PGAP6: variants seen among roughly 807,000 people sequenced by gnomAD.
PGAP6 encodes the protein post-GPI attachment to proteins 6.
In PGAP6, 62 loss-of-function variants were observed where a neutral mutation model predicts 68.4. The observed-to-expected ratio is 0.91, with a 90% CI of 0.74 to 1.12. The LOEUF (loss-of-function observed/expected upper bound fraction) is 1.12. Ranked by LOEUF, PGAP6 falls within the 50% of genes most tolerant of loss-of-function variation. The pLI is 0.00. For synonymous variants in PGAP6, 575 were observed against 474.0 expected (o/e 1.21, Z -2.77); for missense variants, 1,188 against 1,068.5 (o/e 1.11, Z -1.56).
At position 377,791 on chromosome 16, in the gene PGAP6, C is replaced by A. The variant is rs759158638; in HGVS notation, c.179G>T (p.Ser60Ile). The change falls in exon 2 of 13, where the codon AGC becomes ATC. Residue 60 changes from serine to isoleucine, a missense_variant. Ser to Ile is a moderately radical substitution (Grantham distance 142). Transcript: ENST00000431232. ...GAAGAGCCTGGCACTGCCGTACCAGCTGTAGAAGGACAGCCTCTGCGGGGC... is the reference window on the plus strand; with the variant it reads ...GAAGAGCCTGGCACTGCCGTACCAGATGTAGAAGGACAGCCTCTGCGGGGC... ...SQAPQRLSFY[S>I]WYGSARLFRF... is the part of the protein sequence containing the mutation. 25 of 1,578,740 alleles carry A rather than the reference C, an allele frequency of 1.6e-5. No homozygotes were observed. The highest frequency in any genetic ancestry group is 2.1e-5 in the Non-Finnish European group (24 of 1,162,930).
chr16:377,248 C>T, intron 3 of PGAP6, 84 bp from the exon 4 acceptor site: 1 of 1,600,216 alleles, frequency 6.2e-7, no homozygotes, highest in Non-Finnish European at 8.5e-7. Context: ...CCCCGGCATG[C>T]AGGGAGCAGG....
chr16:376,792 G>C lies in PGAP6; in HGVS notation c.656C>G (p.Thr219Arg). ...SYLKVFVPDY[T>R]RELLLELRDC... ...CCGCAGCTCCAGCAGAAGCTCCCGC[G>C]TGTAATCGGGGACAAAGACCCTGCA... Residue 219 changes from threonine (T) to arginine (R), a missense_variant, in exon 5 of 13, where the codon ACG becomes AGG. Physicochemically the swap from Thr to Arg is moderately conservative, Grantham distance 71 (BLOSUM62 -1). Coordinates refer to ENST00000431232, the MANE Select transcript of PGAP6 (RefSeq NM_021259.3). 2 of 1,608,058 alleles carry C rather than the reference G, an allele frequency of 1.2e-6. No individual in the cohort carries two copies. Among genetic ancestry groups the C allele is most frequent in the Non-Finnish European group, 1.7e-6 (2 of 1,179,900 alleles).
chr16:371,915 C>A lies in PGAP6; in HGVS notation c.*72G>T. On this transcript the variant is annotated 3_prime_UTR_variant, in exon 13 of 13. Transcript: ENST00000431232. ...GGAAATCAATCTGTCCAGGGCTGGA[C>A]CAGGCGCCTCCCCCTCGATACAGCT... is the stretch of plus-strand genomic sequence containing the variant. 1 of 1,523,726 alleles carries A rather than the reference C, an allele frequency of 6.6e-7. No individual in the cohort carries two copies. Among genetic ancestry groups the A allele is most frequent in the Non-Finnish European group, 8.9e-7 (1 of 1,119,970 alleles). 94.4% of individuals were successfully genotyped at this position (1,523,726 alleles called of 1,614,324 possible).
upstream of PGAP6, among the ~76,000 whole-genome samples, chr16:385,497 G>C: frequency 6.7e-6 from 1 of 149,682 alleles, no homozygotes; most frequent in Non-Finnish European, 1.5e-5. Context: ...GTTTTTAGTA[G>C]AGATGGGATT....
In PGAP6 at chr16:378,325, G is replaced by C. The variant is rs1426813624; in HGVS notation, c.122-477C>G. On this transcript the variant is annotated intron_variant, in intron 1 of 12. Transcript: ENST00000431232. The stretch of plus-strand genomic sequence containing the variant: ...TGCCATCGCCACCCGCACTGCCATC[G>C]CCACCCGCACTGCCATCGCCACTCT... Among the ~76,000 whole-genome samples the C allele has an allele frequency of 1.5e-3, 168 of 109,152 alleles. 4 individuals are homozygous for C. Among genetic ancestry groups the C allele is most frequent in the African/African-American group, 4.4e-3 (96 of 21,730 alleles). 71.6% of individuals were successfully genotyped at this position (109,152 alleles called of 152,430 possible). A position where few individuals can be genotyped will look rare whatever the true frequency, so the allele number is the denominator to read the frequency against.
chr16:375,115 T>C lies in PGAP6; in HGVS notation c.1439+18A>G. The C allele has an allele frequency of 6.2e-7, 1 of 1,612,050 alleles. No individual in the cohort carries two copies. Among genetic ancestry groups the C allele is most frequent in the Admixed American group, 1.7e-5 (1 of 59,846 alleles). ...TGACAGGGTGCCTGGCCCCCGTCTC[T>C]GCCCTAGGTTTACTTACTCAGCATT... On this transcript the variant is annotated intron_variant, in intron 8 of 12. Coordinates refer to ENST00000431232, the MANE Select transcript of PGAP6 (RefSeq NM_021259.3).
chr16:372,012 C>G lies in PGAP6; in HGVS notation c.2291G>C (p.Arg764Pro), dbSNP rs750500500. 3.7e-6 allele frequency: 6 copies of G among 1,612,568 alleles called. No homozygotes were observed. The highest frequency in any genetic ancestry group is 1.3e-5 in the African/African-American group (1 of 75,034). Residue 764 changes from arginine (R) to proline (P), a missense_variant, in exon 13 of 13, where the codon CGG (arginine) becomes CCG (proline). Physicochemically the swap from Arg to Pro is moderately radical, Grantham distance 103. Coordinates refer to ENST00000431232, the MANE Select transcript of PGAP6 (RefSeq NM_021259.3). ...TCACGTCACTGCGTACAGTTCCTCC[C>G]GATCGTTCTTGCAGATCTGATAGTG... ...PCHYQICKND[R>P]EELYAVT
chr16:386,933 G>T (rs926903433), upstream of PGAP6: 4 of 588,028 alleles, frequency 6.8e-6, no homozygotes, highest in Non-Finnish European at 1.3e-5. Context: ...GCCGGAGGCG[G>T]CCTGAATATC....
chr16:381,169 G>A (rs1436451338), intron 1 of PGAP6, among the ~76,000 whole-genome samples: 5 of 152,178 alleles, frequency 3.3e-5, no homozygotes, highest in Non-Finnish European at 5.9e-5. Flanking sequence ...CCGCCAGCTG[G>A]GAGTCCCTCC....
Position 376,632 on chromosome 16 carries a change from C to A in PGAP6, c.816G>T (p.Pro272=). Residue 272 remains proline (P), a synonymous_variant, in exon 5 of 13, where the codon CCG becomes CCT. Transcript: ENST00000431232. ...TCACTTGCAGCCACCGGTCCCAGGGCGGTGAGGGCAGCAGCAGGCGGCAGG... is the reference window on the plus strand; with the variant it reads ...TCACTTGCAGCCACCGGTCCCAGGGAGGTGAGGGCAGCAGCAGGCGGCAGG... The part of the protein sequence containing the change: ...PWPCRLLLPS[P]PWDRWLQVTA... 1.2e-6 allele frequency: 2 copies of A among 1,603,000 alleles called. No homozygotes were observed. The highest frequency in any genetic ancestry group is 1.7e-6 in the Non-Finnish European group (2 of 1,174,538).
At chr16:380,571 T>G (rs2054428355) in intron 1 of PGAP6, among the ~76,000 whole-genome samples, 1 of 152,130 alleles carries the variant, frequency 6.6e-6, no homozygotes, top group Non-Finnish European at 1.5e-5. Context: ...TTCTCCATGT[T>G]GGTCAGGCTG....
Position 375,193 on chromosome 16 carries a change from G to C in PGAP6, c.1379C>G (p.Pro460Arg). The change falls in exon 8 of 13, where the codon CCC becomes CGC. Residue 460 changes from proline to arginine, a missense_variant. Physicochemically the swap from Pro to Arg is moderately radical, Grantham distance 103. Transcript: ENST00000431232. ...AWSRRANLII[P>R]YPETDNWYLS... Reference sequence around the variant, plus strand: ...GTACCAGTTGTCTGTCTCTGGGTAGGGGATGATGAGGTTGGCCCTGCGAGA... The same window carrying C: ...GTACCAGTTGTCTGTCTCTGGGTAGCGGATGATGAGGTTGGCCCTGCGAGA... 3.1e-6 allele frequency: 5 copies of C among 1,613,480 alleles called. No homozygotes were observed. The highest frequency in any genetic ancestry group is 2.2e-5 in the South Asian group (2 of 91,082).
At chr16:385,361 G>A (rs1271872726), upstream of PGAP6, among the ~76,000 whole-genome samples, 1 of 134,788 alleles carries the variant, frequency 7.4e-6, no homozygotes, top group African/African-American at 3.0e-5. Flanking sequence ...CGCCCAGGCT[G>A]GAGTGCAGTG....
rs7184133 is a variant in PGAP6, at chr16:372,412, G to C, written c.2020-129C>G. ...CAGAACGACAAGGGTGGGCTGCTTC[G>C]AGGGGGCTCAAGGCCACTGGTCCTC... On this transcript the variant is annotated intron_variant, in intron 12 of 12. Coordinates refer to ENST00000431232, the MANE Select transcript of PGAP6 (RefSeq NM_021259.3). 2.5e-3 allele frequency: 2,828 copies of C among 1,130,568 alleles called. 7 individuals carry two copies. Among genetic ancestry groups the C allele is most frequent in the Non-Finnish European group, 3.0e-3 (2,346 of 787,678 alleles). 70.0% of individuals were successfully genotyped at this position (1,130,568 alleles called of 1,614,324 possible).
upstream of PGAP6, chr16:383,171 C>T (rs1047558448): frequency 1.3e-5 from 2 of 151,292 alleles, no homozygotes; most frequent in African/African-American, 4.9e-5. Context: ...ACTAAAGTGT[C>T]CTTCCCAGGA....
chr16:380,351 T>C (rs899593316), intron 1 of PGAP6, among the ~76,000 whole-genome samples: 1 of 150,422 alleles, frequency 6.6e-6, no homozygotes, highest in Non-Finnish European at 1.5e-5. Context: ...ACCCAGGTTA[T>C]TTTTTTTTCT....
At position 376,574 on chromosome 16, in the gene PGAP6, C is replaced by T; in HGVS notation, c.874G>A (p.Val292Met). Reference protein sequence around the residue: ...AESLVGPLGTVAFSAVAALTA... With the variant: ...AESLVGPLGTMAFSAVAALTA... ...AGGGCAGCTACAGCACTGAAAGCCA[C>T]TGTCCCGAGGGGCCCCACCAGGCTC... Residue 292 changes from valine (V) to methionine (M), a missense_variant, in exon 5 of 13, where the codon GTG becomes ATG. Transcript: ENST00000431232. The T allele has an allele frequency of 6.4e-7, 1 of 1,561,012 alleles. No homozygotes were observed. Among genetic ancestry groups the T allele is most frequent in the Non-Finnish European group, 8.7e-7 (1 of 1,152,862 alleles).
At chr16:383,256 CT>C (rs1179355720), upstream of PGAP6, 3 of 151,724 alleles carry the variant, frequency 2.0e-5, no homozygotes, top group Non-Finnish European at 4.4e-5. Flanking sequence ...TTCCTTTCAC[CT>C]AACACATTGG....
intron 6 of PGAP6, among the ~76,000 whole-genome samples, chr16:375,791 A>C (rs1440965502): frequency 6.6e-6 from 1 of 151,354 alleles, no homozygotes; most frequent in Non-Finnish European, 1.5e-5. Context: ...CGGCCTCCCA[A>C]AGTGCTGGGA....
Sources: allele counts gnomAD v4.1 joint callset (sites outside exome capture counted in the v4.1 genomes callset), GRCh38; gene constraint gnomAD v4.1.1; transcripts MANE v1.5; gene names NCBI Gene and HGNC (gene_info 2026-07-23, HGNC 2026-07-21).